The following ZNF721 variants were observed in gnomAD, a reference collection of about 807,000 sequenced individuals.
ZNF721 encodes zinc finger protein 721.
ZNF721 carries 2 observed loss-of-function variants against 2.4 expected under a neutral mutation model. That is an observed-to-expected ratio of 0.82 (90% CI 0.34 to 2.58). The LOEUF is 2.58. Among genes scored for constraint, ZNF721 ranks in the 30% most tolerant of loss-of-function variants. The pLI is 0.11. For synonymous variants in ZNF721, 398 were observed against 381.8 expected (o/e 1.04, Z -0.50); for missense variants, 1,187 against 1,085.5 (o/e 1.09, Z -1.31).
chr4:495,540 C>A (rs1242908900), intron 1 of ZNF721, among the ~76,000 whole-genome samples: 1 of 149,098 alleles, frequency 6.7e-6, no homozygotes, highest in African/African-American at 2.5e-5. Context: ...AGTGTGAGAT[C>A]TCAGGTGCAG....
chr4:491,674 G>C (rs1470900234), intron 1 of ZNF721, among the ~76,000 whole-genome samples: 2 of 152,158 alleles, frequency 1.3e-5, no homozygotes, highest in Admixed American at 6.5e-5. Flanking sequence ...ACATGTATGA[G>C]AGGTTCCCAT....
intron 2 of ZNF721, among the ~76,000 whole-genome samples, chr4:458,808 T>C (rs1429886902): frequency 6.6e-6 from 1 of 151,776 alleles, no homozygotes; most frequent in Non-Finnish European, 1.5e-5. Flanking sequence ...ATTGCGCCAC[T>C]GCACTCCAGC....
chr4:479,598 TGA>T (rs1715722821), intron 1 of ZNF721, among the ~76,000 whole-genome samples: 1 of 152,192 alleles, frequency 6.6e-6, no homozygotes, highest in Non-Finnish European at 1.5e-5. Context: ...AGGGCCCTGA[TGA>T]GAGGGGTGAT....
chr4:448,667 G>A, intron 2 of ZNF721, among the ~76,000 whole-genome samples: 1 of 152,082 alleles, frequency 6.6e-6, no homozygotes, highest in East Asian at 1.9e-4. Flanking sequence ...CAATCTCAGA[G>A]GCTTCACAGC....
chr4:467,610 G>A (rs781991282), intron 2 of ZNF721, among the ~76,000 whole-genome samples: 20 of 152,200 alleles, frequency 1.3e-4, no homozygotes, highest in Non-Finnish European at 2.9e-4. Flanking sequence ...ATGCAGCTTG[G>A]TCTTACTGAG....
intron 2 of ZNF721, among the ~76,000 whole-genome samples, chr4:452,916 AG>A (rs1714717860): frequency 6.6e-6 from 1 of 152,222 alleles, no homozygotes; most frequent in South Asian, 2.1e-4. Flanking sequence ...GGTATACACA[AG>A]ATAGGGCTAA....
intron 2 of ZNF721, among the ~76,000 whole-genome samples, chr4:450,622 A>G (rs1714616675): frequency 6.6e-6 from 1 of 151,526 alleles, no homozygotes; most frequent in African/African-American, 2.4e-5. Context: ...CTTTAATTAC[A>G]TGCTTACACA....
intron 2 of ZNF721, among the ~76,000 whole-genome samples, chr4:455,886 A>C (rs1714830182): frequency 6.6e-6 from 1 of 152,100 alleles, no homozygotes; most frequent in Admixed American, 6.5e-5. Flanking sequence ...CATCACAACT[A>C]AATATTTACA....
At chr4:464,036 A>G (rs2108705158) in intron 2 of ZNF721, among the ~76,000 whole-genome samples, 1 of 152,360 alleles carries the variant, frequency 6.6e-6, no homozygotes, top group African/African-American at 2.4e-5. Flanking sequence ...ATGTATGAAG[A>G]AAATCAATTA....
rs562307994 is a variant in ZNF721, at chr4:464,818, G to A, written c.34+7757C>T. 5.3e-5 allele frequency among the ~76,000 whole-genome samples: 8 copies of A among 151,846 alleles called. No individual in the cohort carries two copies. In the South Asian group the frequency reaches 1.0e-3, roughly 20 times the overall value. ...GCTGGGGCTGGGCGCGGTGGCTCAC[G>A]CCTGTAATCCCAGCACTTTGGGAGG... On this transcript the variant is annotated intron_variant, in intron 2 of 2. Coordinates refer to ENST00000511833, the MANE Select transcript of ZNF721 (RefSeq NM_133474.4).
intron 2 of ZNF721, 120 bp downstream of exon 2, chr4:472,455 A>T: frequency 9.0e-7 from 1 of 1,105,790 alleles, no homozygotes; most frequent in South Asian, 1.7e-5. Flanking sequence ...TATATAACTT[A>T]CATAGCTGTG....
chr4:489,602 TAG>T (rs1553871168), intron 1 of ZNF721, among the ~76,000 whole-genome samples: 1 of 152,130 alleles, frequency 6.6e-6, no homozygotes, highest in African/African-American at 2.4e-5. Flanking sequence ...GAAAAGTTGG[TAG>T]AGAGGCTGTT....
At chr4:480,123 A>G (rs1254359000) in intron 1 of ZNF721, among the ~76,000 whole-genome samples, 1 of 152,110 alleles carries the variant, frequency 6.6e-6, no homozygotes, top group Non-Finnish European at 1.5e-5. Flanking sequence ...TAAAATAGGA[A>G]TATGCCATAT....
At chr4:498,131 G>A (rs751765179) in intron 1 of ZNF721, among the ~76,000 whole-genome samples, 4 of 150,176 alleles carry the variant, frequency 2.7e-5, no homozygotes, top group Non-Finnish European at 5.9e-5. Context: ...CTTGAACCCG[G>A]GAGGCAGAGG....
intron 1 of ZNF721, among the ~76,000 whole-genome samples, chr4:474,593 T>C (rs1273725530): frequency 1.3e-5 from 2 of 152,172 alleles, no homozygotes; most frequent in Non-Finnish European, 2.9e-5. Flanking sequence ...AATAAAATGT[T>C]AGGCTGAGCA....
chr4:474,138 G>T, intron 1 of ZNF721: 2 of 929,014 alleles, frequency 2.2e-6, no homozygotes, highest in Non-Finnish European at 3.1e-6. Flanking sequence ...TCAGGCTGAA[G>T]CAACAGGCCA....
At chr4:476,523 T>C (rs78819436) in intron 1 of ZNF721, among the ~76,000 whole-genome samples, 2,962 of 152,356 alleles carry the variant, frequency 0.019, 48 homozygotes, top group South Asian at 0.078. Context: ...TCCCAGGTGA[T>C]GCTTCTCTGC....
In ZNF721 at chr4:442,807, C is replaced by G; in HGVS notation, c.1660G>C (p.Glu554Gln). Residue 554 changes from glutamate (E) to glutamine (Q), a missense_variant, in exon 3 of 3, where the codon GAG becomes CAG. Transcript: ENST00000511833. Reference protein sequence around the residue: ...LYVHRRIHTGEKPYTCEECGK... With the variant: ...LYVHRRIHTGQKPYTCEECGK... ...CATTCTTCACATGTGTAGGGTTTCT[C>G]TCCAGTATGAATTCTCCTATGTACA... 1 of 1,613,888 alleles carries G rather than the reference C, an allele frequency of 6.2e-7. No homozygotes were observed. The highest frequency in any genetic ancestry group is 8.5e-7 in the Non-Finnish European group (1 of 1,179,910).
At chr4:476,412 A>G (rs1017881102) in intron 1 of ZNF721, among the ~76,000 whole-genome samples, 2 of 152,228 alleles carry the variant, frequency 1.3e-5, no homozygotes, top group Non-Finnish European at 2.9e-5. Context: ...TTTCAACTGC[A>G]GAACTTTACT....
Sources: gnomAD v4.1 joint callset for allele counts (sites outside exome capture counted in the v4.1 genomes callset) on GRCh38, gnomAD v4.1.1 for gene constraint, MANE v1.5 for transcripts, NCBI Gene and HGNC (gene_info 2026-07-23, HGNC 2026-07-21) for gene names.